The following WNK1 variants were observed in gnomAD, a reference collection of about 807,000 sequenced individuals.
WNK1 encodes the protein WNK lysine deficient protein kinase 1, also known as serine/threonine-protein kinase WNK1.
Under a neutral mutation model 222.8 loss-of-function variants are expected in WNK1, and 38 were observed. The observed-to-expected ratio is 0.17, with a 90% CI of 0.13 to 0.22. WNK1 has a LOEUF of 0.22. WNK1 is among the 10% of genes least tolerant of loss of function. The pLI, the probability that WNK1 is intolerant of heterozygous loss-of-function variation, is 1.00. For missense variants in WNK1, 2,348 were observed against 2,918.4 expected, an observed-to-expected ratio of 0.80 and a Z score of 4.50; for synonymous variants, 1,090 against 1,092.9, an observed-to-expected ratio of 1.00 and a Z score of 0.05.
intron 1 of WNK1, among the ~76,000 whole-genome samples, chr12:771,189 G>C (rs950800576): frequency 2.0e-5 from 3 of 151,608 alleles, no homozygotes; most frequent in African/African-American, 7.3e-5. Context: ...AGTAGAGATG[G>C]GGTTTCACCG....
chr12:785,402 C>CG (rs1944181140), intron 1 of WNK1, among the ~76,000 whole-genome samples: 1 of 33,396 alleles, frequency 3.0e-5, no homozygotes, highest in Non-Finnish European at 5.7e-5. Context: ...ATTTTCTCCC[C>CG]CCCCCCCACC....
chr12:764,530 G>T (rs1328519967), intron 1 of WNK1, among the ~76,000 whole-genome samples: 1 of 142,320 alleles, frequency 7.0e-6, no homozygotes, highest in Admixed American at 7.0e-5. Context: ...CAACTACTCG[G>T]CAGGCTGAGG....
rs562294568 is a variant in WNK1 at position 811,924 on chromosome 12, A to C, written c.760-1718A>C. On this transcript the variant is annotated intron_variant, in intron 1 of 27. Coordinates refer to ENST00000315939, the MANE Select transcript of WNK1 (RefSeq NM_018979.4). ...AAGGATAAAAACACTTAGCTATATA[A>C]AGTAGCCTGTATTTATAGTATAGAT... Among the ~76,000 whole-genome samples the C allele has an allele frequency of 2.0e-5, 3 of 152,320 alleles. No homozygotes were observed. In the East Asian group the frequency reaches 5.8e-4, roughly 29 times the overall value.
intron 4 of WNK1, among the ~76,000 whole-genome samples, chr12:840,376 C>T (rs926502361): frequency 6.7e-6 from 1 of 149,688 alleles, no homozygotes; most frequent in Non-Finnish European, 1.5e-5. Flanking sequence ...AAGTGATCCT[C>T]CTACTTTAGC....
intron 1 of WNK1, among the ~76,000 whole-genome samples, chr12:754,781 T>G (rs1565379244): frequency 1.3e-5 from 2 of 152,288 alleles, no homozygotes; most frequent in South Asian, 4.1e-4. Flanking sequence ...TTGGATGTAT[T>G]TTGCTTGATG....
At chr12:810,065 CA>C (rs1480749334) in intron 1 of WNK1, among the ~76,000 whole-genome samples, 1 of 152,152 alleles carries the variant, frequency 6.6e-6, no homozygotes, top group African/African-American at 2.4e-5. Flanking sequence ...GCCTGACCAA[CA>C]TGGCGAAACC....
rs201995891 is a variant in WNK1 at position 896,221 on chromosome 12, A to G, written c.5734A>G (p.Ile1912Val). Reference protein sequence around the residue: ...STLVKPEPNGITIPGISSDVP... With the variant: ...STLVKPEPNGVTIPGISSDVP... ...CTTGGTGAAACCAGAGCCGAATGGC[A>G]TAACCATCCCTGGTATCTCTTCAGA... The change falls in exon 24 of 28, where the codon ATA (isoleucine) becomes GTA (valine). Residue 1912 changes from isoleucine to valine, a missense_variant. Around this residue, in one of 13 missense-constraint regions of WNK1, gnomAD observed 1,144 missense variants for 1,273.6 expected, o/e 0.90. Coordinates refer to ENST00000315939, the MANE Select transcript of WNK1 (RefSeq NM_018979.4). The G allele has an allele frequency of 2.5e-6, 4 of 1,614,212 alleles. No individual in the cohort carries two copies. Among genetic ancestry groups the G allele is most frequent in the Non-Finnish European group, 1.7e-6 (2 of 1,180,026 alleles).
At chr12:908,131 T>A in intron 27 of WNK1, 97 bp downstream of exon 27, 4 of 1,414,900 alleles carry the variant, frequency 2.8e-6, no homozygotes, top group Non-Finnish European at 3.9e-6. Flanking sequence ...CGCCACGACC[T>A]TCTTCAATTT....
In WNK1 at chr12:884,926, G is replaced by A; in HGVS notation, c.4122G>A (p.Glu1374=). The A allele has an allele frequency of 6.2e-7, 1 of 1,614,166 alleles. No individual in the cohort carries two copies. Among genetic ancestry groups the A allele is most frequent in the Non-Finnish European group, 8.5e-7 (1 of 1,180,002 alleles). ...NDISTSVIQS[E]VTVPTEEGIA... ...TTTCCACATCAGTAATTCAGTCTGA[G>A]GTTACAGTGCCCACTGAAGAGGGGA... The change falls in exon 19 of 28, where the codon GAG becomes GAA. Residue 1374 remains glutamate (E), a synonymous_variant. Coordinates refer to ENST00000315939, the MANE Select transcript of WNK1 (RefSeq NM_018979.4). The surrounding 1 kb of genome is among the most constrained non-coding windows in gnomAD (Gnocchi z 5.6).
rs190040560 is a variant in WNK1 at position 835,262 on chromosome 12, G to A, written c.1311+5102G>A. 6.7e-3 allele frequency among the ~76,000 whole-genome samples: 1,017 copies of A among 152,190 alleles called. 5 individuals carry two copies. The highest frequency in any genetic ancestry group is 0.011 in the Non-Finnish European group (755 of 68,000). On this transcript the variant is annotated intron_variant, in intron 4 of 27. Coordinates refer to ENST00000315939, the MANE Select transcript of WNK1 (RefSeq NM_018979.4). The stretch of plus-strand genomic sequence containing the variant: ...CTGAGGTAGAAGGATCGCCTGAGCC[G>A]GGGAGGTGGAGGTTGCAGTGAGCCT...
rs1226976155 is a variant in WNK1 at position 844,971 on chromosome 12, C to T, written c.1312-12190C>T. On this transcript the variant is annotated intron_variant, in intron 4 of 27. Coordinates refer to ENST00000315939, the MANE Select transcript of WNK1 (RefSeq NM_018979.4). ...AGTGCAGTGGCGGGATCTCGGCTCA[C>T]TGCAAGCTCCGCCTCCCGGGTTCAC... Among the ~76,000 whole-genome samples, 7 of 136,612 alleles carry T rather than the reference C, an allele frequency of 5.1e-5. No individual in the cohort carries two copies. In the East Asian group the frequency reaches 1.4e-3, roughly 27 times the overall value. The allele number at this position is 136,612 out of a possible 152,430, so 89.6% of individuals were successfully genotyped here.
rs370517971 is a variant in WNK1 at position 868,155 on chromosome 12, C to T, written c.2140-3110C>T. 79 of 1,613,934 alleles carry T rather than the reference C, an allele frequency of 4.9e-5. No homozygotes were observed. The highest frequency in any genetic ancestry group is 6.4e-5 in the Non-Finnish European group (76 of 1,179,912). On this transcript the variant is annotated intron_variant, in intron 8 of 27. Transcript: ENST00000315939. The stretch of plus-strand genomic sequence containing the variant: ...TTGGGTACTACAGCCAGTAGAGTAA[C>T]TGGAGAGTCATGTGAGATACAGGTC...
At position 753,486 on chromosome 12, in the gene WNK1, C is replaced by T. The variant is rs1939491744; in HGVS notation, c.-80C>T. 1 of 1,592,770 alleles carries T rather than the reference C, an allele frequency of 6.3e-7. No individual in the cohort carries two copies. The highest frequency in any genetic ancestry group is 8.5e-7 in the Non-Finnish European group (1 of 1,170,898). On this transcript the variant is annotated 5_prime_UTR_variant, in exon 1 of 28. Coordinates refer to ENST00000315939, the MANE Select transcript of WNK1 (RefSeq NM_018979.4). This position sits in a 1 kb window ranked among gnomAD's most constrained non-coding sequence, Gnocchi z 5.2. ...CGCCCGGCCGCGGTTCCCTGCAGACCTCTGCGCGGGCGGCTCGGCCCTTCA... is the reference window on the plus strand; with the variant it reads ...CGCCCGGCCGCGGTTCCCTGCAGACTTCTGCGCGGGCGGCTCGGCCCTTCA...
At position 908,707 on chromosome 12, in the gene WNK1, G is replaced by A. The variant is rs1955903569; in HGVS notation, c.7064G>A (p.Gly2355Glu). ...PQPLGQFQPV[G>E]TASLQNFNIS... ...CCACTTGGCCAGTTCCAACCTGTGG[G>A]AACTGCCTCCTTGCAGAATTTCAAC... Residue 2355 changes from glycine to glutamate, a missense_variant, in exon 28 of 28, where the codon GGA becomes GAA. Gly to Glu is a moderately conservative substitution (Grantham distance 98). This residue lies in a region of WNK1 where 76 missense variants were observed against 85.7 expected (regional missense o/e 0.89). Transcript: ENST00000315939. 6.2e-7 allele frequency: 1 copy of A among 1,614,176 alleles called. No homozygotes were observed. Among genetic ancestry groups the A allele is most frequent in the Non-Finnish European group, 8.5e-7 (1 of 1,180,042 alleles).
In WNK1 at chr12:891,960, A is replaced by G. The variant is rs1368334874; in HGVS notation, c.5509+1447A>G. ...AAATCATGCATGAACAAAAAAATGTATAGGTCAATGGATTTTAATGGCCAC... is the reference window on the plus strand; with the variant it reads ...AAATCATGCATGAACAAAAAAATGTGTAGGTCAATGGATTTTAATGGCCAC... On this transcript the variant is annotated intron_variant, in intron 22 of 27. Transcript: ENST00000315939. Among the ~76,000 whole-genome samples, 4 of 151,660 alleles carry G rather than the reference A, an allele frequency of 2.6e-5. No individual in the cohort carries two copies. In the East Asian group the frequency reaches 5.8e-4, roughly 22 times the overall value.
chr12:790,094 A>G (rs925127504), intron 1 of WNK1, among the ~76,000 whole-genome samples: 2 of 152,112 alleles, frequency 1.3e-5, no homozygotes, highest in Non-Finnish European at 2.9e-5. Flanking sequence ...AGCAAGGAGG[A>G]GGGGGTTTGG....
At chr12:820,189 G>A (rs963727357) in intron 2 of WNK1, among the ~76,000 whole-genome samples, 4 of 152,056 alleles carry the variant, frequency 2.6e-5, no homozygotes, top group Admixed American at 1.3e-4. Context: ...CTTCTAATCC[G>A]TGAACACAGG....
intron 1 of WNK1, among the ~76,000 whole-genome samples, chr12:807,487 A>G (rs926024056): frequency 6.6e-6 from 1 of 151,892 alleles, no homozygotes; most frequent in Admixed American, 6.6e-5. Flanking sequence ...GATGTGCACA[A>G]CCACTTTTGC....
chr12:784,353 T>TA (rs1303825626), intron 1 of WNK1, among the ~76,000 whole-genome samples: 1 of 152,176 alleles, frequency 6.6e-6, no homozygotes, highest in East Asian at 1.9e-4. Context: ...TACCTCTTGT[T>TA]AAACTGTTCA....
Sources: allele counts gnomAD v4.1 joint callset (sites outside exome capture counted in the v4.1 genomes callset), GRCh38; gene constraint gnomAD v4.1.1; regional missense constraint gnomAD v4.1.1; non-coding constraint Gnocchi (gnomAD v3.1); transcripts MANE v1.5; gene names NCBI Gene and HGNC (gene_info 2026-07-23, HGNC 2026-07-21).